The following EXOC6B variants were observed in gnomAD, a reference collection of about 807,000 sequenced individuals.
EXOC6B encodes exocyst complex component 6B.
EXOC6B carries 54 observed loss-of-function variants against 113.5 expected under a neutral mutation model. That is an observed-to-expected ratio of 0.48 (90% confidence interval 0.38 to 0.60). EXOC6B has a LOEUF of 0.60. Among genes scored for constraint, EXOC6B ranks in the 20% least tolerant of loss-of-function variants. The probability of loss-of-function intolerance (pLI) is 0.00; values close to 1 mark genes in which losing one functional copy is unlikely to be tolerated. For synonymous variants in EXOC6B, 357 were observed against 339.0 expected, an observed-to-expected ratio of 1.05 and a Z score of -0.58; for missense variants, 797 against 977.5, an observed-to-expected ratio of 0.82 and a Z score of 2.46.
At chr2:72,622,945 C>T (rs1032126441) in intron 6 of EXOC6B, among the ~76,000 whole-genome samples, 9 of 151,954 alleles carry the variant, frequency 5.9e-5, no homozygotes, top group African/African-American at 2.2e-4. Context: ...TCTACTACAG[C>T]CGAACATATG....
chr2:72,515,701 G>A (rs547243290), intron 8 of EXOC6B: 2 of 988,332 alleles, frequency 2.0e-6, no homozygotes, highest in East Asian at 2.3e-4. Flanking sequence ...GGCTTAAAAT[G>A]AGAAGTGCTC....
intron 20 of EXOC6B, among the ~76,000 whole-genome samples, chr2:72,269,104 T>C (rs1684320954): frequency 6.6e-6 from 1 of 152,194 alleles, no homozygotes; most frequent in African/African-American, 2.4e-5. Context: ...TATATTACAA[T>C]GTGTTCCTTC....
At chr2:72,716,430 C>T (rs1679621182) in intron 6 of EXOC6B, among the ~76,000 whole-genome samples, 1 of 152,128 alleles carries the variant, frequency 6.6e-6, no homozygotes, top group Non-Finnish European at 1.5e-5. Flanking sequence ...TCCTTACACT[C>T]TCGGTACTAC....
intron 19 of EXOC6B, among the ~76,000 whole-genome samples, chr2:72,352,574 A>AGG: frequency 6.6e-6 from 1 of 152,310 alleles, no homozygotes; most frequent in African/African-American, 2.4e-5. Context: ...TAATACTGTA[A>AGG]TACTAGAAGT....
intron 6 of EXOC6B, among the ~76,000 whole-genome samples, chr2:72,641,477 G>A (rs933921385): frequency 4.6e-5 from 7 of 152,252 alleles, no homozygotes; most frequent in Admixed American, 4.6e-4. Flanking sequence ...AGCAGTCTGA[G>A]ATCAACCTGC....
At chr2:72,588,217 A>T (rs1705709658) in intron 6 of EXOC6B, among the ~76,000 whole-genome samples, 1 of 152,134 alleles carries the variant, frequency 6.6e-6, no homozygotes, top group Non-Finnish European at 1.5e-5. Flanking sequence ...AATCAAAGAA[A>T]TACCTGCAAG....
intron 1 of EXOC6B, among the ~76,000 whole-genome samples, chr2:72,824,114 G>A (rs1161151515): frequency 4.0e-5 from 6 of 151,764 alleles, no homozygotes; most frequent in Non-Finnish European, 5.9e-5. Flanking sequence ...GGCCAGGCAC[G>A]GTGGCTCATG....
At chr2:72,697,501 CA>C (rs1677980281) in intron 6 of EXOC6B, among the ~76,000 whole-genome samples, 1 of 151,734 alleles carries the variant, frequency 6.6e-6, no homozygotes. Flanking sequence ...GCCTGGGCAA[CA>C]AAAAAGACCT....
Position 72,409,481 on chromosome 2 carries a change from T to C in EXOC6B, c.1981-29611A>G, listed in dbSNP as rs144550879. On this transcript the variant is annotated intron_variant, in intron 18 of 21. Transcript: ENST00000272427. ...TGGAACCAACCCAAATGTCCAACAATGATAGACTGGATCAAGAAAAGTTGG... is the reference window on the plus strand; with the variant it reads ...TGGAACCAACCCAAATGTCCAACAACGATAGACTGGATCAAGAAAAGTTGG... 5.7e-3 allele frequency among the ~76,000 whole-genome samples: 874 copies of C among 152,196 alleles called. 9 individuals carry two copies. Among genetic ancestry groups the C allele is most frequent in the African/African-American group, 0.02 (810 of 41,504 alleles).
At chr2:72,527,615 G>A (rs754007479) in intron 8 of EXOC6B, among the ~76,000 whole-genome samples, 8 of 151,936 alleles carry the variant, frequency 5.3e-5, no homozygotes, top group Non-Finnish European at 1.0e-4. Context: ...TATGGAAGTT[G>A]TTGCTTAATT....
At chr2:72,775,712 A>G (rs1172928776) in intron 1 of EXOC6B, among the ~76,000 whole-genome samples, 8 of 152,214 alleles carry the variant, frequency 5.3e-5, no homozygotes, top group Non-Finnish European at 4.4e-5. Flanking sequence ...GTAATGACGG[A>G]ACTTTAACAA....
In EXOC6B at chr2:72,738,900, A is replaced by C. The variant is rs569445367; in HGVS notation, c.279+2404T>G. On this transcript the variant is annotated intron_variant, in intron 2 of 21. Coordinates refer to ENST00000272427, the MANE Select transcript of EXOC6B (RefSeq NM_015189.3). ...CTGAGGCATAAGGCACAAGAATGAA[A>C]ACATTAAAATTATTTATTATCAAGG... Among the ~76,000 whole-genome samples, 5 of 152,330 alleles carry C rather than the reference A, an allele frequency of 3.3e-5. No individual in the cohort carries two copies. In the East Asian group the frequency reaches 9.7e-4, roughly 29 times the overall value.
At chr2:72,232,932 T>G (rs1261594786) in intron 20 of EXOC6B, among the ~76,000 whole-genome samples, 1 of 151,154 alleles carries the variant, frequency 6.6e-6, no homozygotes, top group African/African-American at 2.4e-5. Context: ...ATTAGCTGGG[T>G]GTGGTTGCGG....
chr2:72,688,938 T>C (rs1370058570), intron 6 of EXOC6B, among the ~76,000 whole-genome samples: 1 of 152,240 alleles, frequency 6.6e-6, no homozygotes, highest in Non-Finnish European at 1.5e-5. Context: ...TGTATTATAG[T>C]TAAATATTAG....
At chr2:72,701,332 C>T (rs1393617219) in intron 6 of EXOC6B, among the ~76,000 whole-genome samples, 1 of 144,806 alleles carries the variant, frequency 6.9e-6, no homozygotes, top group East Asian at 2.0e-4. Flanking sequence ...CAAAGCAAGA[C>T]TCCATCTTCA....
chr2:72,197,949 T>C (rs1441051369), intron 20 of EXOC6B, among the ~76,000 whole-genome samples: 2 of 152,138 alleles, frequency 1.3e-5, no homozygotes, highest in Non-Finnish European at 2.9e-5. Context: ...AACTTTTGTA[T>C]AGGGTTTTGA....
intron 6 of EXOC6B, among the ~76,000 whole-genome samples, chr2:72,662,562 C>A (rs1224042316): frequency 6.6e-6 from 1 of 152,136 alleles, no homozygotes. Flanking sequence ...TGAAAAGATG[C>A]TCAAGATCCT....
intron 20 of EXOC6B, among the ~76,000 whole-genome samples, chr2:72,231,771 T>C (rs78758669): frequency 0.02 from 2,987 of 152,130 alleles, 89 homozygotes; most frequent in African/African-American, 0.066. Context: ...ATCAAAAGAA[T>C]GAGATACATT....
intron 20 of EXOC6B, among the ~76,000 whole-genome samples, chr2:72,297,056 C>G (rs907237557): frequency 6.6e-6 from 1 of 152,104 alleles, no homozygotes; most frequent in Non-Finnish European, 1.5e-5. Context: ...TGGAAATTCT[C>G]CCTTTCTTCC....
Sources: gnomAD v4.1 joint callset for allele counts (sites outside exome capture counted in the v4.1 genomes callset) on GRCh38, gnomAD v4.1.1 for gene constraint, MANE v1.5 for transcripts, NCBI Gene and HGNC (gene_info 2026-07-23, HGNC 2026-07-21) for gene names.